Variants in SCG5 observed in about 807,000 individuals in gnomAD.
SCG5 encodes neuroendocrine protein 7B2.
In SCG5, 18 loss-of-function variants were observed where a neutral mutation model predicts 25.7. The observed-to-expected ratio is 0.70, with a 90% CI of 0.48 to 1.04. SCG5 has a LOEUF of 1.04. SCG5 is among the 50% of genes least tolerant of loss of function. SCG5 has a pLI of 0.00. For synonymous variants in SCG5, 101 were observed against 91.7 expected, an observed-to-expected ratio of 1.10 and a Z score of -0.58; for missense variants, 206 against 259.8, an observed-to-expected ratio of 0.79 and a Z score of 1.42.
Position 32,643,591 on chromosome 15 carries a change from CAATGGTCTCCAG to C in SCG5, c.-1_11del. On this transcript the variant is annotated start_lost and 5_prime_UTR_variant, in exon 2 of 6. Coordinates refer to ENST00000300175, the MANE Select transcript of SCG5 (RefSeq NM_001144757.3). ...ATTTGGTCTTTTATCTGCAGGTTGA[CAATGGTCTCCAG>C]GATGGTCTCTACCATGCTATCTGGC... 6.2e-7 allele frequency: 1 copy of C among 1,611,676 alleles called. No individual in the cohort carries two copies. The highest frequency in any genetic ancestry group is 1.3e-5 in the African/African-American group (1 of 74,956).
At chr15:32,678,078 T>A (rs1296568481) in intron 2 of SCG5, among the ~76,000 whole-genome samples, 1 of 152,158 alleles carries the variant, frequency 6.6e-6, no homozygotes, top group African/African-American at 2.4e-5. Context: ...ATAACATGGA[T>A]TAAAGAGTTA....
At chr15:32,663,441 CTGCT>C (rs1235205922) in intron 2 of SCG5, among the ~76,000 whole-genome samples, 1 of 152,108 alleles carries the variant, frequency 6.6e-6, no homozygotes, top group Non-Finnish European at 1.5e-5. Flanking sequence ...GTGGCTGTCA[CTGCT>C]TGTCCTAGCC....
chr15:32,695,957 A>G (rs868411974), intron 5 of SCG5, among the ~76,000 whole-genome samples: 4 of 152,302 alleles, frequency 2.6e-5, no homozygotes, highest in Middle Eastern at 3.4e-3. Context: ...AGAGCTCTAT[A>G]GTTGTGTGAA....
chr15:32,684,471 G>C (rs541657316), intron 3 of SCG5, 86 bp from the exon 4 acceptor site: 3 of 794,178 alleles, frequency 3.8e-6, no homozygotes, highest in Non-Finnish European at 6.4e-6. Flanking sequence ...TCTGACCTTT[G>C]GCTGCCTAGT....
At chr15:32,679,012 A>G (rs1454978963) in intron 2 of SCG5, among the ~76,000 whole-genome samples, 1 of 152,132 alleles carries the variant, frequency 6.6e-6, no homozygotes, top group Non-Finnish European at 1.5e-5. Context: ...TTTTTTCATA[A>G]TGTGCTTTCA....
At chr15:32,645,152 C>G (rs1220299523) in intron 2 of SCG5, among the ~76,000 whole-genome samples, 1 of 152,240 alleles carries the variant, frequency 6.6e-6, no homozygotes, top group Admixed American at 6.5e-5. Flanking sequence ...GTCACCGTTA[C>G]TTCAAGCACA....
At chr15:32,663,658 A>G (rs1272197856) in intron 2 of SCG5, among the ~76,000 whole-genome samples, 2 of 152,186 alleles carry the variant, frequency 1.3e-5, no homozygotes, top group Non-Finnish European at 2.9e-5. Context: ...CAGGAATTCA[A>G]ATATGGTAGT....
intron 2 of SCG5, among the ~76,000 whole-genome samples, chr15:32,672,355 T>TG (rs1394923194): frequency 5.3e-5 from 8 of 152,358 alleles, no homozygotes; most frequent in Admixed American, 1.3e-4. Context: ...GGGGTGCGAA[T>TG]GGGACGATGC....
chr15:32,669,544 A>T (rs1328600162), intron 2 of SCG5, among the ~76,000 whole-genome samples: 1 of 152,250 alleles, frequency 6.6e-6, no homozygotes, highest in African/African-American at 2.4e-5. Flanking sequence ...AAGGACAAAC[A>T]TGAGCCTTAA....
In SCG5 at chr15:32,679,805, G is replaced by A. The variant is rs1273208268; in HGVS notation, c.266G>A (p.Gly89Asp). 2.5e-6 allele frequency: 4 copies of A among 1,613,954 alleles called. No homozygotes were observed. Reference sequence around the variant, plus strand: ...GGACTTCAGCATTTGGGTCCTTTTGGCAACATCCCCAACATCGTGGCAGAG... The same window carrying A: ...GGACTTCAGCATTTGGGTCCTTTTGACAACATCCCCAACATCGTGGCAGAG... ...HEGLQHLGPF[G>D]NIPNIVAELT... Residue 89 changes from glycine (G) to aspartate (D), a missense_variant, in exon 3 of 6, where the codon GGC (glycine) becomes GAC (aspartate). Transcript: ENST00000300175.
chr15:32,672,938 C>T (rs11071893), intron 2 of SCG5: 1 of 115,508 alleles, frequency 8.7e-6, no homozygotes. Flanking sequence ...AAAAAAGAGA[C>T]AGAGTGACGA....
rs771607983 is a variant in SCG5, at chr15:32,643,806, C to T, written c.214C>T (p.Gln72Ter). The T allele has an allele frequency of 3.7e-6, 6 of 1,613,386 alleles. No homozygotes were observed. The highest frequency in any genetic ancestry group is 5.1e-6 in the Non-Finnish European group (6 of 1,179,774). The part of the protein sequence containing the change: ...AHQAMNLVGP[Q>*]SIEGGAHEGL... The stretch of plus-strand genomic sequence containing the variant: ...CCAGGCCATGAATCTTGTGGGCCCC[C>T]AGAGCATTGAAGGTATTTACTGTGT... Residue 72 changes from glutamine (Q) to a stop codon, truncating the protein, a stop_gained, in exon 2 of 6, where the codon CAG (glutamine) becomes TAG (stop). Transcript: ENST00000300175. LOFTEE classifies it high-confidence loss of function.
chr15:32,657,915 C>T (rs529054733), intron 2 of SCG5, among the ~76,000 whole-genome samples: 19 of 152,258 alleles, frequency 1.2e-4, no homozygotes, highest in African/African-American at 4.6e-4. Flanking sequence ...GAAGGTTAAA[C>T]TCTGACCAGA....
At chr15:32,687,088 G>A (rs1235985391) in intron 4 of SCG5, among the ~76,000 whole-genome samples, 1 of 152,136 alleles carries the variant, frequency 6.6e-6, no homozygotes, top group African/African-American at 2.4e-5. Flanking sequence ...GGGAGACTGA[G>A]TCAAGGTGTG....
At chr15:32,696,370 G>T in intron 5 of SCG5, 144 bp from the exon 6 acceptor site, 1 of 563,114 alleles carries the variant, frequency 1.8e-6, no homozygotes, top group Non-Finnish European at 3.2e-6. Flanking sequence ...GCCCACCTCG[G>T]CCTCCCAAAG....
In SCG5 at chr15:32,696,587, A is replaced by C. The variant is rs1470886492; in HGVS notation, c.617A>C (p.Asp206Ala). Residue 206 changes from aspartate to alanine, a missense_variant, in exon 6 of 6, where the codon GAT (aspartate) becomes GCT (alanine). By Grantham distance (126) the Asp-to-Ala change is moderately radical. Coordinates refer to ENST00000300175, the MANE Select transcript of SCG5 (RefSeq NM_001144757.3). ...AAGAAGTCTGTCCCCCATTTTTCAG[A>C]TGAGGATAAGGATCCAGAGTAAAGA... ...VAKKSVPHFS[D>A]EDKDPE The C allele has an allele frequency of 6.2e-7, 1 of 1,612,456 alleles. No homozygotes were observed.
chr15:32,675,770 G>A (rs903410439), intron 2 of SCG5, among the ~76,000 whole-genome samples: 1 of 152,186 alleles, frequency 6.6e-6, no homozygotes, highest in African/African-American at 2.4e-5. Flanking sequence ...ACAACTGGCT[G>A]TATTACGTTT....
chr15:32,670,155 A>G lies in SCG5; in HGVS notation c.227-9611A>G, dbSNP rs142318873. Among the ~76,000 whole-genome samples the G allele has an allele frequency of 1.1e-3, 175 of 152,356 alleles. 1 individual carries two copies. In the Middle Eastern group the frequency reaches 0.024, roughly 21 times the overall value. On this transcript the variant is annotated intron_variant, in intron 2 of 5. Transcript: ENST00000300175. ...ATGAGGGGGAAAAGCAGAAGAAGAA[A>G]GAGAAGGAATGAAAACAAATGCCTT...
intron 4 of SCG5, among the ~76,000 whole-genome samples, chr15:32,690,580 C>T (rs2054832767): frequency 6.6e-6 from 1 of 152,212 alleles, no homozygotes; most frequent in Admixed American, 6.5e-5. Flanking sequence ...GAGGCTCCTT[C>T]ACTCTGGCAC....
Sources: allele counts gnomAD v4.1 joint callset (sites outside exome capture counted in the v4.1 genomes callset), GRCh38; gene constraint gnomAD v4.1.1; transcripts MANE v1.5; gene names NCBI Gene and HGNC (gene_info 2026-07-23, HGNC 2026-07-21).